The following SEC16A variants were observed in gnomAD, a reference collection of about 807,000 sequenced individuals.
The protein encoded by SEC16A is protein transport protein Sec16A.
In SEC16A, 110 loss-of-function variants were observed where a neutral mutation model predicts 221.9. The ratio of observed to expected loss-of-function variants is 0.50; its 90% CI spans 0.42 to 0.58. The LOEUF is 0.58. Ranked by LOEUF, SEC16A falls within the 20% of genes least tolerant of loss-of-function variation. The pLI is 0.00. For missense variants in SEC16A, 3,165 were observed against 3,097.8 expected (o/e 1.02, Z -0.52); for synonymous variants, 1,393 against 1,257.7 (o/e 1.11, Z -2.28).
chr9:136,456,863 T>C (rs1019892032), intron 18 of SEC16A, among the ~76,000 whole-genome samples: 5 of 152,296 alleles, frequency 3.3e-5, no homozygotes, highest in South Asian at 4.1e-4. Context: ...CCAGACTAAA[T>C]TGCCTCAAAA....
chr9:136,458,929 T>C (rs748307902), intron 17 of SEC16A, among the ~76,000 whole-genome samples: 4 of 152,132 alleles, frequency 2.6e-5, no homozygotes, highest in Non-Finnish European at 5.9e-5. Flanking sequence ...ATGAAAATAA[T>C]TGAAATCAAA....
At chr9:136,480,924 A>T (rs190951238) in intron 1 of SEC16A, among the ~76,000 whole-genome samples, 5 of 152,028 alleles carry the variant, frequency 3.3e-5, no homozygotes, top group Admixed American at 3.3e-4. Flanking sequence ...TCCTAGACTA[A>T]GAGCTTTTTT....
chr9:136,442,315 C>A (rs141909492), intron 31 of SEC16A, among the ~76,000 whole-genome samples: 132 of 152,372 alleles, frequency 8.7e-4, no homozygotes, highest in Non-Finnish European at 1.4e-3. Flanking sequence ...ATACCAAAAT[C>A]GACTAGTCTG....
At chr9:136,482,038 G>C (rs1291263989) in intron 1 of SEC16A, among the ~76,000 whole-genome samples, 4 of 152,170 alleles carry the variant, frequency 2.6e-5, no homozygotes, top group Non-Finnish European at 5.9e-5. Flanking sequence ...AAAACTTTAA[G>C]TACAATTTTG....
rs937704556 is a variant in SEC16A at position 136,459,509 on chromosome 9, G to A, written c.5238C>T (p.Ala1746=). 2 of 1,607,368 alleles carry A rather than the reference G, an allele frequency of 1.2e-6. No individual in the cohort carries two copies. The highest frequency in any genetic ancestry group is 1.3e-5 in the African/African-American group (1 of 74,932). The change falls in exon 16 of 32, where the codon GCC becomes GCT. Residue 1746 remains alanine (A), a synonymous_variant. Coordinates refer to ENST00000684901, the MANE Select transcript of SEC16A (RefSeq NM_014866.2). The surrounding 1 kb of genome is among the most constrained non-coding windows in gnomAD (Gnocchi z 6.1). ...TCGTGTAAACACCAAATCCCGCCTG[G>A]GCCATGAGGTAGCAGAAGTGGGCCG... ...LDAAHFCYLM[A]QAGFGVYTKK...
rs1836162363 is a variant in SEC16A at position 136,441,314 on chromosome 9, C to T, written c.*441G>A. 5.0e-6 allele frequency: 1 copy of T among 200,690 alleles called. No homozygotes were observed. The highest frequency in any genetic ancestry group is 1.1e-5 in the Non-Finnish European group (1 of 94,894). The allele number at this position is 200,690 out of a possible 1,614,324, so 12.4% of individuals were successfully genotyped here. ...GTCTGCCTCAGTCACCCTCTCTTTG[C>T]TCCCAGCACCTTAAAGGAAGCGCGG... On this transcript the variant is annotated 3_prime_UTR_variant, in exon 32 of 32. Transcript: ENST00000684901.
chr9:136,469,771 C>T (rs548135418), intron 4 of SEC16A, among the ~76,000 whole-genome samples: 92 of 152,366 alleles, frequency 6.0e-4, no homozygotes, highest in African/African-American at 2.1e-3. Context: ...GAGCTGCACA[C>T]CCGCCGCTGA....
In SEC16A at chr9:136,459,962, C is replaced by A. The variant is rs568833917; in HGVS notation, c.5073+80G>T. On this transcript the variant is annotated intron_variant, in intron 14 of 31. Coordinates refer to ENST00000684901, the MANE Select transcript of SEC16A (RefSeq NM_014866.2). The surrounding 1 kb of genome is among the most constrained non-coding windows in gnomAD (Gnocchi z 6.1). ...ACAGCTGGGCTCACCAGGCACCTCA[C>A]GGCCTGTGACAGCGTCACCCACGAG... 32 of 1,531,646 alleles carry A rather than the reference C, an allele frequency of 2.1e-5. No homozygotes were observed. In the African/African-American group the frequency reaches 3.4e-4, roughly 16 times the overall value. 94.9% of individuals were successfully genotyped at this position (1,531,646 alleles called of 1,614,324 possible).
chr9:136,477,778 A>G (rs1841840001), intron 2 of SEC16A, 94 bp from the exon 3 acceptor site: 1 of 1,223,004 alleles, frequency 8.2e-7, no homozygotes, highest in Non-Finnish European at 1.1e-6. Context: ...AACATTGAAC[A>G]TGATTTTATG....
Position 136,447,760 on chromosome 9 carries a change from A to T in SEC16A, c.6448-80T>A. 1 of 1,537,814 alleles carries T rather than the reference A, an allele frequency of 6.5e-7. No individual in the cohort carries two copies. Among genetic ancestry groups the T allele is most frequent in the South Asian group, 1.1e-5 (1 of 87,082 alleles). On this transcript the variant is annotated intron_variant, in intron 25 of 31. Coordinates refer to ENST00000684901, the MANE Select transcript of SEC16A (RefSeq NM_014866.2). The surrounding 1 kb of genome is among the most constrained non-coding windows in gnomAD (Gnocchi z 5.5). ...GATGGCACAGTCAGGAGGCTCCAAA[A>T]GGGGCAACAGCCACCCAAATATCAC...
chr9:136,473,956 G>T, intron 3 of SEC16A, 93 bp downstream of exon 3: 1 of 1,383,398 alleles, frequency 7.2e-7, no homozygotes, highest in Middle Eastern at 2.7e-4. Context: ...GGAACCAAGC[G>T]AACAAACACT....
intron 1 of SEC16A, among the ~76,000 whole-genome samples, chr9:136,482,430 T>A: frequency 6.6e-6 from 1 of 152,156 alleles, no homozygotes; most frequent in East Asian, 1.9e-4. Context: ...AACACTTCCA[T>A]CACAAAGGGG....
In SEC16A at chr9:136,465,942, C is replaced by A; in HGVS notation, c.4303+20G>T. The A allele has an allele frequency of 6.2e-7, 1 of 1,606,640 alleles. No individual in the cohort carries two copies. The highest frequency in any genetic ancestry group is 1.1e-5 in the South Asian group (1 of 90,728). On this transcript the variant is annotated intron_variant, in intron 8 of 31. Coordinates refer to ENST00000684901, the MANE Select transcript of SEC16A (RefSeq NM_014866.2). ...CCCAGTGGGGTTAGCCGGTATCCCT[C>A]TGTCCTGCTGAGCACACACCTTGCT... is the stretch of plus-strand genomic sequence containing the variant.
intron 11 of SEC16A, 26 bp downstream of exon 11, chr9:136,463,437 C>T: frequency 6.2e-7 from 1 of 1,604,856 alleles, no homozygotes; most frequent in Non-Finnish European, 8.5e-7. Flanking sequence ...CAAGAAGAAA[C>T]ACTCTAGAAG....
chr9:136,451,114 C>T, intron 23 of SEC16A, 142 bp downstream of exon 23: 2 of 816,468 alleles, frequency 2.4e-6, no homozygotes, highest in Admixed American at 2.6e-5. Flanking sequence ...ACCCATCATG[C>T]CGTGTGCACT....
Position 136,476,094 on chromosome 9 carries a change from C to G in SEC16A, c.1522G>C (p.Ala508Pro). The change falls in exon 3 of 32, where the codon GCC becomes CCC. Residue 508 changes from alanine (A) to proline (P), a missense_variant. This residue lies in a region of SEC16A where 2,030 missense variants were observed against 1,923.1 expected (regional missense o/e 1.06). Coordinates refer to ENST00000684901, the MANE Select transcript of SEC16A (RefSeq NM_014866.2). ...ACTGTATGCAGTGTGGCATCAGGGG[C>G]TCCGGTGTGGCACACAGCACCATGC... ...PRHGAVCHTGAPDATLHTVHP... is the reference protein window; with the variant it reads ...PRHGAVCHTGPPDATLHTVHP... 6.2e-7 allele frequency: 1 copy of G among 1,613,588 alleles called. No homozygotes were observed. Among genetic ancestry groups the G allele is most frequent in the Admixed American group, 1.7e-5 (1 of 60,014 alleles).
At chr9:136,448,008 C>T in intron 24 of SEC16A, 76 bp downstream of exon 24, 1 of 1,519,560 alleles carries the variant, frequency 6.6e-7, no homozygotes. Context: ...GAAACACCTA[C>T]TCAGGTCTGC....
rs1365720690 is a variant in SEC16A at position 136,447,267 on chromosome 9, C to T, written c.6657G>A (p.Ala2219=). 3.8e-6 allele frequency: 6 copies of T among 1,596,614 alleles called. No individual in the cohort carries two copies. Among genetic ancestry groups the T allele is most frequent in the South Asian group, 2.3e-5 (2 of 87,930 alleles). ...ACAAGTTAGAAGGAATTGGGAGTGGCGCGAGTGGAGCGACAAAGTCCGCAG... is the reference window on the plus strand; with the variant it reads ...ACAAGTTAGAAGGAATTGGGAGTGGTGCGAGTGGAGCGACAAAGTCCGCAG... ...LAPADFVAPL[A]PLPIPSNLFV... Residue 2219 remains alanine, a synonymous_variant, in exon 27 of 32, where the codon GCG becomes GCA. Transcript: ENST00000684901. The surrounding 1 kb of genome is among the most constrained non-coding windows in gnomAD (Gnocchi z 5.5).
chr9:136,457,594 C>A lies in SEC16A; in HGVS notation c.5410-10G>T. 12 of 1,605,880 alleles carry A rather than the reference C, an allele frequency of 7.5e-6. No individual in the cohort carries two copies. The highest frequency in any genetic ancestry group is 1.0e-5 in the Non-Finnish European group (12 of 1,175,118). ...AGATGAACTTAAACACCTGAAACGA[C>A]AGAAGCCTTGCTGCCCTGCGGCTCC... On this transcript the variant is annotated splice_polypyrimidine_tract_variant and intron_variant, in intron 17 of 31. Coordinates refer to ENST00000684901, the MANE Select transcript of SEC16A (RefSeq NM_014866.2).
Sources: allele counts gnomAD v4.1 joint callset (sites outside exome capture counted in the v4.1 genomes callset), GRCh38; gene constraint gnomAD v4.1.1; regional missense constraint gnomAD v4.1.1; non-coding constraint Gnocchi (gnomAD v3.1); transcripts MANE v1.5; gene names NCBI Gene and HGNC (gene_info 2026-07-23, HGNC 2026-07-21).